CFAP299: variants seen among roughly 807,000 people sequenced by gnomAD.
The protein encoded by CFAP299 is cilia and flagella associated protein 299.
CFAP299 carries 21 observed loss-of-function variants against 27.0 expected under a neutral mutation model. The ratio of observed to expected loss-of-function variants is 0.78; its 90% CI spans 0.55 to 1.12. The LOEUF (loss-of-function observed/expected upper bound fraction) is 1.12. CFAP299 is among the 50% of genes most tolerant of loss of function. CFAP299 has a pLI of 0.00. For synonymous variants in CFAP299, 104 were observed against 98.1 expected, an observed-to-expected ratio of 1.06 and a Z score of -0.36; for missense variants, 310 against 276.6, an observed-to-expected ratio of 1.12 and a Z score of -0.86.
chr4:80,411,222 G>A (rs936026897), intron 2 of CFAP299, among the ~76,000 whole-genome samples: 1 of 152,134 alleles, frequency 6.6e-6, no homozygotes, highest in African/African-American at 2.4e-5. Flanking sequence ...AGCCATGAGT[G>A]ACATAGGATA....
intron 4 of CFAP299, among the ~76,000 whole-genome samples, chr4:80,901,989 T>C (rs934168537): frequency 6.6e-6 from 1 of 152,112 alleles, no homozygotes; most frequent in Non-Finnish European, 1.5e-5. Context: ...TAAAATTATA[T>C]ACTTTTGTGT....
rs114474103 is a variant in CFAP299, at chr4:80,509,948, C to A, written c.243-73145C>A. On this transcript the variant is annotated intron_variant, in intron 2 of 5. Coordinates refer to ENST00000358105, the MANE Select transcript of CFAP299 (RefSeq NM_152770.3). ...GTGGGTTCTTCACTGTTCACAGATT[C>A]TTCACCATCAGTATCAGCTTCATGG... 6.8e-3 allele frequency among the ~76,000 whole-genome samples: 1,033 copies of A among 151,534 alleles called. 7 individuals carry two copies. Among genetic ancestry groups the A allele is most frequent in the Non-Finnish European group, 0.012 (794 of 67,904 alleles).
At chr4:80,657,719 T>C (rs911169355) in intron 3 of CFAP299, among the ~76,000 whole-genome samples, 2 of 152,200 alleles carry the variant, frequency 1.3e-5, no homozygotes, top group African/African-American at 4.8e-5. Context: ...GGGCTCTTTT[T>C]TGGGTTCCAT....
At chr4:80,410,701 GC>G (rs1578413136) in intron 2 of CFAP299, among the ~76,000 whole-genome samples, 1 of 152,186 alleles carries the variant, frequency 6.6e-6, no homozygotes, top group East Asian at 1.9e-4. Context: ...TGAAGATGAA[GC>G]ATTGCATTAA....
intron 3 of CFAP299, among the ~76,000 whole-genome samples, chr4:80,855,562 C>A (rs534556185): frequency 2.0e-4 from 30 of 152,282 alleles, no homozygotes; most frequent in Admixed American, 1.3e-3. Flanking sequence ...CCCTCTCCCC[C>A]CAACCCACAA....
chr4:80,344,676 A>T (rs937588611), intron 1 of CFAP299, among the ~76,000 whole-genome samples: 2 of 152,218 alleles, frequency 1.3e-5, no homozygotes, highest in Non-Finnish European at 2.9e-5. Context: ...ATAACTTGGC[A>T]GATATACAAC....
chr4:80,657,033 A>G (rs10023831), intron 3 of CFAP299, among the ~76,000 whole-genome samples: 92,680 of 151,888 alleles, frequency 0.61, 32,209 homozygotes, highest in Non-Finnish European at 0.77. Flanking sequence ...TCTTTTGAGA[A>G]GTGTCTGTTC....
At chr4:80,643,460 T>C (rs908557755) in intron 3 of CFAP299, among the ~76,000 whole-genome samples, 1 of 152,138 alleles carries the variant, frequency 6.6e-6, no homozygotes, top group Non-Finnish European at 1.5e-5. Context: ...GAAATGGGAT[T>C]TTGTTTTGAA....
At chr4:80,912,749 T>C (rs1388524630) in intron 4 of CFAP299, among the ~76,000 whole-genome samples, 1 of 152,142 alleles carries the variant, frequency 6.6e-6, no homozygotes, top group Admixed American at 6.6e-5. Context: ...CTAACTCACA[T>C]GATCCCATAA....
chr4:80,703,169 A>G (rs1461401651), intron 3 of CFAP299, among the ~76,000 whole-genome samples: 1 of 151,792 alleles, frequency 6.6e-6, no homozygotes, highest in Non-Finnish European at 1.5e-5. Flanking sequence ...TCTCTTGTTC[A>G]CTAAACTGAA....
At chr4:80,701,673 A>G (rs775810468) in intron 3 of CFAP299, among the ~76,000 whole-genome samples, 2 of 151,884 alleles carry the variant, frequency 1.3e-5, no homozygotes, top group African/African-American at 2.4e-5. Flanking sequence ...TTCTTACAGC[A>G]GTGTTGGTGG....
At chr4:80,919,315 G>A (rs750725092) in intron 4 of CFAP299, among the ~76,000 whole-genome samples, 2 of 152,042 alleles carry the variant, frequency 1.3e-5, no homozygotes, top group Admixed American at 1.3e-4. Context: ...TAATAGCCAC[G>A]TTGAATTAAC....
At chr4:80,344,838 T>A (rs1722645255) in intron 1 of CFAP299, among the ~76,000 whole-genome samples, 1 of 152,152 alleles carries the variant, frequency 6.6e-6, no homozygotes, top group Non-Finnish European at 1.5e-5. Context: ...TGGTTCAACA[T>A]AGGCAAATTA....
At chr4:80,625,300 C>A (rs1199160048) in intron 3 of CFAP299, among the ~76,000 whole-genome samples, 1 of 151,678 alleles carries the variant, frequency 6.6e-6, no homozygotes, top group African/African-American at 2.4e-5. Flanking sequence ...TGTATGTTAT[C>A]AAAGTTAAGT....
At chr4:80,633,982 CTTTTT>C (rs1225649545) in intron 3 of CFAP299, among the ~76,000 whole-genome samples, 1 of 115,186 alleles carries the variant, frequency 8.7e-6, no homozygotes, top group African/African-American at 3.4e-5. Flanking sequence ...GAGGAGAAAA[CTTTTT>C]TTTTTTTTTT....
chr4:80,812,276 G>A (rs1729193595), intron 3 of CFAP299, among the ~76,000 whole-genome samples: 1 of 152,062 alleles, frequency 6.6e-6, no homozygotes, highest in South Asian at 2.1e-4. Flanking sequence ...GGCAGACACA[G>A]TCCCTGCCTC....
chr4:80,503,767 A>G (rs1018388946), intron 2 of CFAP299, among the ~76,000 whole-genome samples: 1 of 152,150 alleles, frequency 6.6e-6, no homozygotes, highest in Non-Finnish European at 1.5e-5. Context: ...TACCTTACTC[A>G]CCTTTGTGCT....
At chr4:80,485,950 T>G (rs1730798819) in intron 2 of CFAP299, among the ~76,000 whole-genome samples, 1 of 152,114 alleles carries the variant, frequency 6.6e-6, no homozygotes, top group South Asian at 2.1e-4. Flanking sequence ...AAATTCTGTT[T>G]TACTTTTTAT....
At chr4:80,561,988 C>A (rs1204929381) in intron 2 of CFAP299, among the ~76,000 whole-genome samples, 1 of 151,966 alleles carries the variant, frequency 6.6e-6, no homozygotes, top group African/African-American at 2.4e-5. Flanking sequence ...ATAAAAACAA[C>A]AAAATACTAA....
Sources: allele counts gnomAD v4.1 joint callset (sites outside exome capture counted in the v4.1 genomes callset), GRCh38; gene constraint gnomAD v4.1.1; transcripts MANE v1.5; gene names NCBI Gene and HGNC (gene_info 2026-07-23, HGNC 2026-07-21).